The following SLC28A1 variants were observed in gnomAD, a reference collection of about 807,000 sequenced individuals.
SLC28A1 encodes the protein sodium/nucleoside cotransporter 1.
In SLC28A1, 64 loss-of-function variants were observed where a neutral mutation model predicts 74.8. That is an observed-to-expected ratio of 0.86 (90% confidence interval 0.70 to 1.05). The LOEUF (loss-of-function observed/expected upper bound fraction) is 1.05, where lower values mean the gene tolerates loss of function less well. SLC28A1 is among the 50% of genes least tolerant of loss of function. The pLI, the probability that SLC28A1 is intolerant of heterozygous loss-of-function variation, is 0.00. For missense variants in SLC28A1, 828 were observed against 822.8 expected (o/e 1.01, Z -0.08); for synonymous variants, 359 against 335.0 (o/e 1.07, Z -0.78).
At chr15:84,942,805 C>A (rs1391131228) in intron 15 of SLC28A1, among the ~76,000 whole-genome samples, 1 of 152,144 alleles carries the variant, frequency 6.6e-6, no homozygotes, top group Non-Finnish European at 1.5e-5. Flanking sequence ...CACCAAATGG[C>A]CCCAGGACAG....
chr15:84,922,616 C>T (rs761598995), intron 11 of SLC28A1, among the ~76,000 whole-genome samples: 12 of 152,192 alleles, frequency 7.9e-5, no homozygotes, highest in East Asian at 1.9e-4. Context: ...CTCATACACC[C>T]GAGTGACCCT....
At chr15:84,964,142 T>C in the SLC28A1 span, among the ~76,000 whole-genome samples, 6 of 152,190 alleles carry the variant, frequency 3.9e-5, no homozygotes, top group African/African-American at 1.4e-4. Context: ...TCTTGTTTAA[T>C]CATCTATCTC....
At chr15:84,890,132 C>A (rs969450618) in intron 4 of SLC28A1, among the ~76,000 whole-genome samples, 3 of 152,144 alleles carry the variant, frequency 2.0e-5, no homozygotes, top group South Asian at 4.2e-4. Context: ...ACCGCGCCCC[C>A]CCACCGGCCA....
chr15:84,916,055 C>G (rs890756001), intron 9 of SLC28A1, among the ~76,000 whole-genome samples: 8 of 151,652 alleles, frequency 5.3e-5, no homozygotes, highest in African/African-American at 1.9e-4. Context: ...CTCTGCCTCC[C>G]GGGTTCAAGC....
chr15:84,918,566 C>A lies in SLC28A1; in HGVS notation c.838C>A (p.Leu280Ile). The A allele has an allele frequency of 6.2e-7, 1 of 1,613,980 alleles. No homozygotes were observed. Among genetic ancestry groups the A allele is most frequent in the Non-Finnish European group, 8.5e-7 (1 of 1,179,908 alleles). ...CTTTTTCAGCTGTGTCATATCCGTT[C>A]TCTACCACGTGGGCCTCATGCAGTG... Reference protein sequence around the residue: ...IVFFSCVISVLYHVGLMQWVI... With the variant: ...IVFFSCVISVIYHVGLMQWVI... The change falls in exon 10 of 19, where the codon CTC becomes ATC. Residue 280 changes from leucine to isoleucine, a missense_variant. Leu to Ile is a conservative substitution (Grantham distance 5). Coordinates refer to ENST00000394573, the MANE Select transcript of SLC28A1 (RefSeq NM_004213.5).
At chr15:84,972,811 C>A in the SLC28A1 span, among the ~76,000 whole-genome samples, 1 of 152,240 alleles carries the variant, frequency 6.6e-6, no homozygotes, top group Non-Finnish European at 1.5e-5. Flanking sequence ...TTCAATAACA[C>A]CTTTGAATGA....
chr15:84,895,093 G>A lies in SLC28A1; in HGVS notation c.431G>A (p.Gly144Asp), dbSNP rs772853943. 8 of 1,613,844 alleles carry A rather than the reference G, an allele frequency of 5.0e-6. No homozygotes were observed. The South Asian group carries it at 6.6e-5, about 13-fold the overall frequency. Residue 144 changes from glycine (G) to aspartate (D), a missense_variant, in exon 6 of 19, where the codon GGC becomes GAC. Coordinates refer to ENST00000394573, the MANE Select transcript of SLC28A1 (RefSeq NM_004213.5). ...PKLRRFLKPQ[G>D]HPRLLLWFKR... ...CTGAGGAGGTTTCTCAAGCCTCAGG[G>A]CCATCCCCGCCTGCTGCTCTGGTTT...
rs764715207 is a variant in SLC28A1 at position 84,890,492 on chromosome 15, A to G, written c.235A>G (p.Met79Val). 3.1e-6 allele frequency: 5 copies of G among 1,611,404 alleles called. No homozygotes were observed. The highest frequency in any genetic ancestry group is 4.2e-6 in the Non-Finnish European group (5 of 1,179,766). The change falls in exon 5 of 19, where the codon ATG (methionine) becomes GTG (valine). Residue 79 changes from methionine to valine, a missense_variant. Physicochemically the swap from Met to Val is conservative, Grantham distance 21. This residue lies in a region of SLC28A1 where 767 missense variants were observed against 753.5 expected (regional missense o/e 1.02). Coordinates refer to ENST00000394573, the MANE Select transcript of SLC28A1 (RefSeq NM_004213.5). ...LRARSFCREH[M>V]QLFRWIGTGL... ...AGCCAGAAGCTTCTGCAGGGAGCAC[A>G]TGCAGCTGTTTCGATGGATCGGCAC...
At chr15:84,958,842 G>A in the SLC28A1 span, among the ~76,000 whole-genome samples, 1 of 152,014 alleles carries the variant, frequency 6.6e-6, no homozygotes, top group South Asian at 2.1e-4. Flanking sequence ...GCTCATGCCT[G>A]TAATCCCAGC....
intron 4 of SLC28A1, among the ~76,000 whole-genome samples, chr15:84,890,036 T>C (rs1370532725): frequency 6.6e-6 from 1 of 152,038 alleles, no homozygotes; most frequent in Non-Finnish European, 1.5e-5. Context: ...GGGTTTGTCA[T>C]GTTGCCCAGG....
At chr15:84,930,833 G>A (rs907766328) in intron 12 of SLC28A1, among the ~76,000 whole-genome samples, 2 of 151,076 alleles carry the variant, frequency 1.3e-5, no homozygotes, top group Admixed American at 6.6e-5. Flanking sequence ...GCAATAGTGC[G>A]ATCTCGGCTC....
At chr15:84,968,298 T>C in the SLC28A1 span, among the ~76,000 whole-genome samples, 3 of 152,224 alleles carry the variant, frequency 2.0e-5, no homozygotes, top group Non-Finnish European at 1.5e-5. Context: ...TTCAGTCTGA[T>C]GCCTGGTTTG....
the SLC28A1 span, among the ~76,000 whole-genome samples, chr15:84,962,638 C>T: frequency 1.3e-5 from 2 of 150,870 alleles, no homozygotes; most frequent in African/African-American, 4.9e-5. Flanking sequence ...GGGGTTTCAC[C>T]ATGTTGCCCA....
At chr15:84,924,897 A>ATTTTTTTTTTTTTTTT (rs756910084) in intron 12 of SLC28A1, among the ~76,000 whole-genome samples, 3 of 139,788 alleles carry the variant, frequency 2.1e-5, no homozygotes, top group Admixed American at 7.1e-5. Flanking sequence ...TTTTTTATTA[A>ATTTTTTTTTTTTTTTT]TTTTTTTTGT....
the SLC28A1 span, among the ~76,000 whole-genome samples, chr15:84,959,219 C>T: frequency 5.3e-5 from 8 of 152,106 alleles, no homozygotes; most frequent in Non-Finnish European, 1.0e-4. Flanking sequence ...ATCCTCCCAC[C>T]TCTGCCTCCC....
At chr15:84,916,240 C>CAGGTGTGAGCCACCATGCCTAGCCTTTT (rs1555449976) in intron 9 of SLC28A1, among the ~76,000 whole-genome samples, 1 of 98,424 alleles carries the variant, frequency 1.0e-5, no homozygotes, top group African/African-American at 4.9e-5. Flanking sequence ...GCTGGGATTA[C>CAGGTGTGAGCCACCATGCCTAGCCTTTT]TTTTTTTTTT....
intron 15 of SLC28A1, among the ~76,000 whole-genome samples, chr15:84,941,449 C>G (rs1162134167): frequency 6.6e-6 from 1 of 152,128 alleles, no homozygotes; most frequent in Non-Finnish European, 1.5e-5. Context: ...TTGTGATCTG[C>G]CCACCTTGGC....
chr15:84,939,378 G>A (rs1972372259), intron 15 of SLC28A1, among the ~76,000 whole-genome samples: 1 of 151,626 alleles, frequency 6.6e-6, no homozygotes, highest in East Asian at 1.9e-4. Context: ...CAGAGGGAGG[G>A]AGGGAAAAAG....
At chr15:84,935,944 G>GTTTTTTTTTGTTT (rs1555456047) in intron 15 of SLC28A1, among the ~76,000 whole-genome samples, 1 of 90,106 alleles carries the variant, frequency 1.1e-5, no homozygotes, top group African/African-American at 4.1e-5. Flanking sequence ...GTTTTGGTTT[G>GTTTTTTTTTGTTT]GTTTTTGTTT....
Sources: gnomAD v4.1 joint callset for allele counts (sites outside exome capture counted in the v4.1 genomes callset) on GRCh38, gnomAD v4.1.1 for gene constraint, gnomAD v4.1.1 regional missense constraint, MANE v1.5 for transcripts, NCBI Gene and HGNC (gene_info 2026-07-23, HGNC 2026-07-21) for gene names.